Variants in PLD5 observed in about 807,000 individuals in gnomAD.
PLD5 encodes the protein phospholipase D family member 5, also known as inactive phospholipase D5.
PLD5 carries 36 observed loss-of-function variants against 61.1 expected under a neutral mutation model. That is an observed-to-expected ratio of 0.59 (90% CI 0.45 to 0.78). The LOEUF is 0.78. Ranked by LOEUF, PLD5 falls within the 30% of genes least tolerant of loss-of-function variation. PLD5 has a pLI of 0.00. For missense variants in PLD5, 515 were observed against 644.4 expected, an observed-to-expected ratio of 0.80 and a Z score of 2.17; for synonymous variants, 243 against 242.8, an observed-to-expected ratio of 1.00 and a Z score of -0.01.
chr1:242,333,154 G>A (rs1659291961), intron 2 of PLD5, among the ~76,000 whole-genome samples: 1 of 152,154 alleles, frequency 6.6e-6, no homozygotes, highest in Non-Finnish European at 1.5e-5. Flanking sequence ...TCAAAAGATG[G>A]AGCTGTTCAG....
chr1:242,272,873 T>C (rs143452856), intron 3 of PLD5, among the ~76,000 whole-genome samples: 8,372 of 152,278 alleles, frequency 0.055, 273 homozygotes, highest in Middle Eastern at 0.13. Flanking sequence ...ACTTAATAGA[T>C]AATCCAGAAA....
chr1:242,320,907 A>G (rs1419525628), intron 2 of PLD5, among the ~76,000 whole-genome samples: 1 of 152,100 alleles, frequency 6.6e-6, no homozygotes, highest in Non-Finnish European at 1.5e-5. Context: ...GAAAACCACT[A>G]CTTCAAAGAC....
chr1:242,225,498 T>C (rs1443655670), intron 4 of PLD5, among the ~76,000 whole-genome samples: 2 of 151,900 alleles, frequency 1.3e-5, no homozygotes, highest in African/African-American at 4.8e-5. Context: ...GTGAGACCCA[T>C]TCATGCTGTC....
At chr1:242,481,635 A>G (rs1667780828) in intron 1 of PLD5, among the ~76,000 whole-genome samples, 2 of 152,246 alleles carry the variant, frequency 1.3e-5, no homozygotes, top group Non-Finnish European at 2.9e-5. Context: ...CTCTGGGGGC[A>G]GGGCATAGCC....
At chr1:242,120,151 T>G (rs1662252605) in intron 6 of PLD5, among the ~76,000 whole-genome samples, 2 of 152,120 alleles carry the variant, frequency 1.3e-5, no homozygotes, top group South Asian at 4.1e-4. Flanking sequence ...AGTAGACTGC[T>G]GGTTGCCAGG....
intron 5 of PLD5, among the ~76,000 whole-genome samples, chr1:242,126,155 AG>A (rs1370765959): frequency 4.1e-4 from 62 of 152,062 alleles, no homozygotes; most frequent in Non-Finnish European, 8.8e-5. Flanking sequence ...CACTGCTGAA[AG>A]AATAGATGAC....
chr1:242,118,727 C>A (rs759264300), intron 6 of PLD5, among the ~76,000 whole-genome samples: 19 of 152,172 alleles, frequency 1.2e-4, no homozygotes, highest in Admixed American at 2.6e-4. Context: ...GGCAGGTGCT[C>A]CAGCTCCATG....
intron 5 of PLD5, among the ~76,000 whole-genome samples, chr1:242,167,782 T>A (rs573218280): frequency 1.3e-5 from 2 of 152,292 alleles, no homozygotes; most frequent in South Asian, 4.1e-4. Context: ...ATTGCCTACG[T>A]GAAAACAATG....
chr1:242,152,854 T>G (rs1435641212), intron 5 of PLD5, among the ~76,000 whole-genome samples: 1 of 152,184 alleles, frequency 6.6e-6, no homozygotes, highest in Non-Finnish European at 1.5e-5. Context: ...TGATTTATAA[T>G]CCTTTGGGTA....
intron 5 of PLD5, among the ~76,000 whole-genome samples, chr1:242,126,331 C>T (rs376050280): frequency 2.6e-5 from 4 of 152,042 alleles, no homozygotes; most frequent in Non-Finnish European, 2.9e-5. Context: ...TCATATGGGA[C>T]GAAAAAGCCT....
At chr1:242,307,356 A>ACAG (rs71176745) in intron 2 of PLD5, among the ~76,000 whole-genome samples, 2 of 149,180 alleles carry the variant, frequency 1.3e-5, no homozygotes, top group African/African-American at 2.5e-5. Context: ...GACGGTGATG[A>ACAG]TGATGGTGAT....
rs966866743 is a variant in PLD5, at chr1:242,170,249, C to G, written c.736-45584G>C. The stretch of plus-strand genomic sequence containing the variant: ...TCAAGAAAAAAGAACAGGCAGCAAT[C>G]TTTGCTGTTCTGCAGCCTCCGCTAG... On this transcript the variant is annotated intron_variant, in intron 5 of 9. Coordinates refer to ENST00000536534, the MANE Select transcript of PLD5 (RefSeq NM_001372062.1). Among the ~76,000 whole-genome samples, 6 of 152,206 alleles carry G rather than the reference C, an allele frequency of 3.9e-5. No individual in the cohort carries two copies. The East Asian group carries it at 9.6e-4, about 24-fold the overall frequency.
chr1:242,452,559 T>C (rs1666819899), intron 1 of PLD5, among the ~76,000 whole-genome samples: 1 of 152,152 alleles, frequency 6.6e-6, no homozygotes, highest in Non-Finnish European at 1.5e-5. Context: ...CTCACGCCTA[T>C]AATCCTAGCA....
chr1:242,322,788 G>A (rs1658503170), intron 2 of PLD5, among the ~76,000 whole-genome samples: 1 of 152,150 alleles, frequency 6.6e-6, no homozygotes, highest in African/African-American at 2.4e-5. Flanking sequence ...TAAGTTTCCT[G>A]AGGTCTCCCC....
chr1:242,090,289 T>TAA (rs752420828), intron 9 of PLD5, among the ~76,000 whole-genome samples, 179 bp from the exon 10 acceptor site: 25 of 152,358 alleles, frequency 1.6e-4, no homozygotes, highest in Non-Finnish European at 2.6e-4. Flanking sequence ...ATATGGCATA[T>TAA]TAATATTTGC....
intron 5 of PLD5, among the ~76,000 whole-genome samples, chr1:242,157,109 T>C (rs1484291711): frequency 6.6e-6 from 1 of 152,198 alleles, no homozygotes; most frequent in Non-Finnish European, 1.5e-5. Flanking sequence ...AAGTTGATCT[T>C]CAATCTCTGA....
intron 1 of PLD5, among the ~76,000 whole-genome samples, chr1:242,463,922 CTGTG>C (rs1235083549): frequency 6.6e-6 from 1 of 152,104 alleles, no homozygotes; most frequent in Non-Finnish European, 1.5e-5. Context: ...CTTCCCTTCC[CTGTG>C]TGACGATATC....
intron 1 of PLD5, among the ~76,000 whole-genome samples, chr1:242,454,090 G>A (rs2102927886): frequency 6.6e-6 from 1 of 152,284 alleles, no homozygotes; most frequent in East Asian, 1.9e-4. Flanking sequence ...AGCACTTTGG[G>A]AGGCCAAGGT....
At chr1:242,218,125 A>G (rs1159233834) in intron 5 of PLD5, among the ~76,000 whole-genome samples, 1 of 152,202 alleles carries the variant, frequency 6.6e-6, no homozygotes, top group African/African-American at 2.4e-5. Context: ...TTATTTTAAG[A>G]GATTGCTATA....
Sources: allele counts gnomAD v4.1 joint callset (sites outside exome capture counted in the v4.1 genomes callset), GRCh38; gene constraint gnomAD v4.1.1; transcripts MANE v1.5; gene names NCBI Gene and HGNC (gene_info 2026-07-23, HGNC 2026-07-21).